Variants in PICALM observed in about 807,000 individuals in gnomAD.
The protein encoded by PICALM is phosphatidylinositol binding clathrin assembly protein, also known as phosphatidylinositol-binding clathrin assembly protein.
PICALM carries 40 observed loss-of-function variants against 80.5 expected under a neutral mutation model. The observed-to-expected ratio is 0.50, with a 90% CI of 0.39 to 0.65. The LOEUF is 0.65. Ranked by LOEUF, PICALM falls within the 30% of genes least tolerant of loss-of-function variation. The probability of loss-of-function intolerance (pLI) is 0.00; values close to 1 mark genes in which losing one functional copy is unlikely to be tolerated. For missense variants in PICALM, 676 were observed against 778.9 expected, an observed-to-expected ratio of 0.87 and a Z score of 1.57; for synonymous variants, 288 against 260.3, an observed-to-expected ratio of 1.11 and a Z score of -1.02.
At position 85,996,819 on chromosome 11, in the gene PICALM, T is replaced by G; in HGVS notation, c.1258+7A>C. On this transcript the variant is annotated splice_region_variant and intron_variant, in intron 12 of 19. Transcript: ENST00000393346. Reference sequence around the variant, plus strand: ...TAACATCTAAAATAGAATTCATCAATGCTTACCTCCCCATGTACTTGCTAC... The same window carrying G: ...TAACATCTAAAATAGAATTCATCAAGGCTTACCTCCCCATGTACTTGCTAC... 1 of 1,506,750 alleles carries G rather than the reference T, an allele frequency of 6.6e-7. No homozygotes were observed. Among genetic ancestry groups the G allele is most frequent in the Non-Finnish European group, 9.2e-7 (1 of 1,083,092 alleles). The allele number at this position is 1,506,750 out of a possible 1,614,324, so 93.3% of individuals were successfully genotyped here.
At chr11:86,002,850 TAA>T (rs1194136974) in intron 9 of PICALM, among the ~76,000 whole-genome samples, 1 of 152,010 alleles carries the variant, frequency 6.6e-6, no homozygotes, top group Non-Finnish European at 1.5e-5. Context: ...CTGTCTCTAC[TAA>T]AAATACAAAA....
intron 19 of PICALM, among the ~76,000 whole-genome samples, chr11:85,962,356 A>G (rs577729936): frequency 1.3e-4 from 20 of 152,320 alleles, no homozygotes; most frequent in Middle Eastern, 3.4e-3. Flanking sequence ...TTTTTCACCT[A>G]CAGTTAAAAC....
At chr11:86,035,891 T>C (rs2095833608) in intron 1 of PICALM, among the ~76,000 whole-genome samples, 1 of 138,458 alleles carries the variant, frequency 7.2e-6, no homozygotes, top group African/African-American at 2.7e-5. Flanking sequence ...GAGGTTGCAG[T>C]GAGCCGAGAT....
At chr11:86,037,778 G>A (rs1327726666) in intron 1 of PICALM, among the ~76,000 whole-genome samples, 1 of 151,656 alleles carries the variant, frequency 6.6e-6, no homozygotes, top group Admixed American at 6.6e-5. Context: ...ATACACAATC[G>A]AACACTTCCA....
chr11:85,995,993 G>A (rs1188584890), intron 12 of PICALM, among the ~76,000 whole-genome samples: 1 of 152,034 alleles, frequency 6.6e-6, no homozygotes, highest in African/African-American at 2.4e-5. Context: ...TAGTGTTTTA[G>A]GGTTTTACTA....
intron 8 of PICALM, 186 bp downstream of exon 8, chr11:86,007,356 G>A: frequency 2.6e-6 from 1 of 382,388 alleles, no homozygotes; most frequent in Non-Finnish European, 5.0e-6. Flanking sequence ...ACAAATATAA[G>A]TGGTAAGCAG....
Position 86,001,169 on chromosome 11 carries a change from T to C in PICALM, c.894-11A>G, listed in dbSNP as rs1565361149. On this transcript the variant is annotated splice_polypyrimidine_tract_variant and intron_variant, in intron 9 of 19. Coordinates refer to ENST00000393346, the MANE Select transcript of PICALM (RefSeq NM_007166.4). The stretch of plus-strand genomic sequence containing the variant: ...GAAAGTGTAGTTGCCCTAGGATAAT[T>C]GAACAGAGATAATTTGGCTTTTTGC... The C allele has an allele frequency of 3.7e-6, 6 of 1,611,320 alleles. No individual in the cohort carries two copies. The highest frequency in any genetic ancestry group is 1.7e-5 in the Admixed American group (1 of 59,352).
Position 86,017,754 on chromosome 11 carries a change from G to A in PICALM, c.453-2791C>T, listed in dbSNP as rs146165326. Among the ~76,000 whole-genome samples, 79 of 152,296 alleles carry A rather than the reference G, an allele frequency of 5.2e-4. 2 individuals carry two copies. The East Asian group carries it at 0.015, about 29-fold the overall frequency. On this transcript the variant is annotated intron_variant, in intron 4 of 19. Coordinates refer to ENST00000393346, the MANE Select transcript of PICALM (RefSeq NM_007166.4). ...TGTATAAATAGTTAACAGTTTGTGTGCCACCATGTGAAAGAAGTTTAGCAA... is the reference window on the plus strand; with the variant it reads ...TGTATAAATAGTTAACAGTTTGTGTACCACCATGTGAAAGAAGTTTAGCAA...
chr11:85,989,791 G>A (rs139583609), intron 13 of PICALM, among the ~76,000 whole-genome samples: 4 of 151,932 alleles, frequency 2.6e-5, no homozygotes, highest in Non-Finnish European at 5.9e-5. Flanking sequence ...AAACTGTGAC[G>A]TGCAACAGTT....
At chr11:86,041,390 T>G (rs1205388942) in intron 1 of PICALM, among the ~76,000 whole-genome samples, 1 of 152,184 alleles carries the variant, frequency 6.6e-6, no homozygotes, top group African/African-American at 2.4e-5. Context: ...GCCACTATAC[T>G]GATATTATGA....
rs1025471852 is a variant in PICALM at position 85,958,264 on chromosome 11, G to T, written c.*782C>A. ...ATCCTAGGCACAGAATTGACTATAA[G>T]GATTAATGCATTTATAATGCTTCCC... On this transcript the variant is annotated 3_prime_UTR_variant, in exon 20 of 20. Coordinates refer to ENST00000393346, the MANE Select transcript of PICALM (RefSeq NM_007166.4). 1.4e-5 allele frequency: 3 copies of T among 217,278 alleles called. No homozygotes were observed. The Admixed American group carries it at 1.7e-4, about 13-fold the overall frequency. The allele number at this position is 217,278 out of a possible 1,614,324, so 13.5% of individuals were successfully genotyped here.
intron 1 of PICALM, among the ~76,000 whole-genome samples, chr11:86,066,275 A>T (rs1004974152): frequency 1.2e-4 from 18 of 152,242 alleles, no homozygotes; most frequent in African/African-American, 4.3e-4. Flanking sequence ...AGAACTGATT[A>T]CAGGACATTT....
intron 1 of PICALM, among the ~76,000 whole-genome samples, chr11:86,055,905 G>A (rs927222310): frequency 2.0e-5 from 3 of 152,000 alleles, no homozygotes; most frequent in African/African-American, 7.2e-5. Context: ...GGAGGCCGAG[G>A]CAGGTAGATC....
At chr11:86,005,733 G>C (rs1378179117) in intron 8 of PICALM, among the ~76,000 whole-genome samples, 1 of 148,070 alleles carries the variant, frequency 6.8e-6, no homozygotes, top group Non-Finnish European at 1.5e-5. Context: ...AAAACCCAAA[G>C]AGTGAAGAAA....
intron 13 of PICALM, among the ~76,000 whole-genome samples, chr11:85,987,593 A>G (rs549987207): frequency 2.8e-4 from 43 of 152,364 alleles, no homozygotes; most frequent in Non-Finnish European, 4.9e-4. Flanking sequence ...TTAGGTGAGA[A>G]GTACATTCTA....
chr11:86,020,316 A>G (rs982082643), intron 4 of PICALM, among the ~76,000 whole-genome samples: 3 of 151,882 alleles, frequency 2.0e-5, no homozygotes, highest in Non-Finnish European at 4.4e-5. Context: ...TATAGATTCA[A>G]TGCAATCCCC....
chr11:86,047,050 T>G (rs1316474282), intron 1 of PICALM, among the ~76,000 whole-genome samples: 2 of 152,256 alleles, frequency 1.3e-5, no homozygotes, highest in Non-Finnish European at 2.9e-5. Flanking sequence ...TGCAAAGATT[T>G]AAATACTTGT....
intron 4 of PICALM, 79 bp from the exon 5 acceptor site, chr11:86,015,042 A>C: frequency 1.2e-6 from 1 of 800,772 alleles, no homozygotes; most frequent in South Asian, 1.7e-5. Context: ...CTGGTTTTCT[A>C]CTAAAACAGA....
rs933063517 is a variant in PICALM, at chr11:85,988,126, C to T, written c.1408+2124G>A. ...ACTACAGTAATAACTACTATGCACA[C>T]AGAAAATATCAGCTGGACTTTTGAG... On this transcript the variant is annotated intron_variant, in intron 13 of 19. Transcript: ENST00000393346. Among the ~76,000 whole-genome samples, 8 of 152,304 alleles carry T rather than the reference C, an allele frequency of 5.3e-5. 1 individual carries two copies. Among genetic ancestry groups the T allele is most frequent in the Admixed American group, 5.2e-4 (8 of 15,304 alleles).
Sources: allele counts gnomAD v4.1 joint callset (sites outside exome capture counted in the v4.1 genomes callset), GRCh38; gene constraint gnomAD v4.1.1; transcripts MANE v1.5; gene names NCBI Gene and HGNC (gene_info 2026-07-23, HGNC 2026-07-21).